Variants in DUSP14 observed in about 807,000 individuals in gnomAD.
DUSP14 encodes the protein dual specificity phosphatase 14.
In DUSP14, 5 loss-of-function variants were observed where a neutral mutation model predicts 13.2. The observed-to-expected ratio is 0.38, with a 90% CI of 0.20 to 0.80. DUSP14 has a LOEUF of 0.80. DUSP14 is among the 30% of genes least tolerant of loss of function. The pLI is 0.44. For missense variants in DUSP14, 185 were observed against 264.0 expected (o/e 0.70, Z 2.07); for synonymous variants, 91 against 103.4 (o/e 0.88, Z 0.73).
At chr17:37,501,554 C>T (rs1427492348) in intron 1 of DUSP14, among the ~76,000 whole-genome samples, 1 of 152,008 alleles carries the variant, frequency 6.6e-6, no homozygotes, top group Non-Finnish European at 1.5e-5. Context: ...AGTTTCTCAT[C>T]ACCCAGGCTG....
upstream of DUSP14, chr17:37,489,769 C>T (rs2054012605): frequency 6.7e-6 from 1 of 148,988 alleles, no homozygotes; most frequent in Non-Finnish European, 1.5e-5. Context: ...CCCGCGCGTC[C>T]CCCCGCCCCG....
At chr17:37,502,629 C>T (rs2143088434) in intron 1 of DUSP14, among the ~76,000 whole-genome samples, 1 of 152,114 alleles carries the variant, frequency 6.6e-6, no homozygotes, top group East Asian at 1.9e-4. Context: ...TGGCTGGGAG[C>T]TATAATCATA....
chr17:37,503,337 G>A (rs902260186), intron 1 of DUSP14, among the ~76,000 whole-genome samples: 1 of 152,138 alleles, frequency 6.6e-6, no homozygotes, highest in Non-Finnish European at 1.5e-5. Flanking sequence ...GAGGTGGGAG[G>A]ATCACTTGAA....
In DUSP14 at chr17:37,495,828, T is replaced by C. The variant is rs138005118; in HGVS notation, c.-181+5870T>C. 6.8e-3 allele frequency among the ~76,000 whole-genome samples: 1,027 copies of C among 152,094 alleles called. 14 individuals carry two copies. The highest frequency in any genetic ancestry group is 0.023 in the African/African-American group (966 of 41,492). Reference sequence around the variant, plus strand: ...GCGCATGCCACCACGCCCAGCTAATTTTTCTATTTTTAGTAGAGACAGGGT... The same window carrying C: ...GCGCATGCCACCACGCCCAGCTAATCTTTCTATTTTTAGTAGAGACAGGGT... On this transcript the variant is annotated intron_variant, in intron 1 of 2. Coordinates refer to ENST00000617516, the MANE Select transcript of DUSP14 (RefSeq NM_007026.4).
intron 1 of DUSP14, among the ~76,000 whole-genome samples, chr17:37,500,481 T>G (rs2054097758): frequency 6.6e-6 from 1 of 152,222 alleles, no homozygotes. Context: ...TGAAAAGACC[T>G]GCATTTTCTG....
At chr17:37,489,793 C>T (rs1018836996), upstream of DUSP14, 7 of 148,112 alleles carry the variant, frequency 4.7e-5, no homozygotes, top group East Asian at 2.0e-4. Context: ...CGCGTCCCCC[C>T]ACCTCGGGAG....
chr17:37,512,838 C>T lies in DUSP14; in HGVS notation c.566C>T (p.Ser189Phe). 1 of 1,607,350 alleles carries T rather than the reference C, an allele frequency of 6.2e-7. No individual in the cohort carries two copies. Among genetic ancestry groups the T allele is most frequent in the Non-Finnish European group, 8.5e-7 (1 of 1,174,832 alleles). The change falls in exon 3 of 3, where the codon TCC (serine) becomes TTC (phenylalanine). Residue 189 changes from serine (S) to phenylalanine (F), a missense_variant. Transcript: ENST00000617516. The surrounding 1 kb of genome is among the most constrained non-coding windows in gnomAD (Gnocchi z 4.8). ...GTTCCCGACGTCTATGAGAAGGAGT[C>T]CCGACACCTGATGCCTTACTGGGGG... ...GIVPDVYEKESRHLMPYWGI is the reference protein window; with the variant it reads ...GIVPDVYEKEFRHLMPYWGI
chr17:37,497,616 C>G (rs867061002), intron 1 of DUSP14, among the ~76,000 whole-genome samples: 1 of 149,758 alleles, frequency 6.7e-6, no homozygotes, highest in African/African-American at 2.5e-5. Context: ...ACAAATTAAC[C>G]GGATGTGGTG....
intron 1 of DUSP14, among the ~76,000 whole-genome samples, chr17:37,509,267 A>G (rs1178660410): frequency 0.29 from 21,004 of 72,998 alleles, 3,890 homozygotes; most frequent in African/African-American, 0.39. Context: ...ATATATATAT[A>G]TATATATATA....
intron 1 of DUSP14, among the ~76,000 whole-genome samples, chr17:37,492,817 C>G (rs1243067071): frequency 6.6e-6 from 1 of 152,188 alleles, no homozygotes; most frequent in African/African-American, 2.4e-5. Flanking sequence ...TCTCCCTCCC[C>G]CAGAGGTCCT....
At chr17:37,505,667 T>C (rs1387896661) in intron 1 of DUSP14, among the ~76,000 whole-genome samples, 1 of 140,722 alleles carries the variant, frequency 7.1e-6, no homozygotes, top group Non-Finnish European at 1.5e-5. Flanking sequence ...TAAAGAAAAG[T>C]AACCTCCGTG....
chr17:37,498,312 ATCTTTTTTTTTTTTT>A (rs1490540920), intron 1 of DUSP14, among the ~76,000 whole-genome samples: 3 of 103,250 alleles, frequency 2.9e-5, no homozygotes, highest in Non-Finnish European at 5.8e-5. Flanking sequence ...ACTAGATTGT[ATCTTTTTTTTTTTTT>A]TTTTTTTTTT....
chr17:37,510,727 A>T lies in DUSP14; in HGVS notation c.-130A>T, dbSNP rs1261956047. The T allele has an allele frequency of 6.6e-6, 1 of 152,138 alleles. No homozygotes were observed. The highest frequency in any genetic ancestry group is 1.5e-5 in the Non-Finnish European group (1 of 68,052). 9.4% of individuals were successfully genotyped at this position (152,138 alleles called of 1,614,324 possible). A position where few individuals can be genotyped will look rare whatever the true frequency, so the allele number is the denominator to read the frequency against. ...GCACTGCTCACTTAGGACTTTCTGG[A>T]TCCGGACCCAGGCAGCGCACACTGG... On this transcript the variant is annotated 5_prime_UTR_variant, in exon 2 of 3. Coordinates refer to ENST00000617516, the MANE Select transcript of DUSP14 (RefSeq NM_007026.4).
intron 1 of DUSP14, among the ~76,000 whole-genome samples, chr17:37,500,606 T>G (rs959607250): frequency 2.6e-5 from 4 of 152,246 alleles, no homozygotes; most frequent in Admixed American, 1.3e-4. Flanking sequence ...ACTTTGCCTC[T>G]AGATGTTCTG....
At chr17:37,505,658 A>T (rs1299794884) in intron 1 of DUSP14, among the ~76,000 whole-genome samples, 5 of 137,542 alleles carry the variant, frequency 3.6e-5, no homozygotes, top group Admixed American at 2.2e-4. Flanking sequence ...TTTTTTTTTT[A>T]AAGAAAAGTA....
chr17:37,512,892 AGCCCGAGCGG>A lies in DUSP14; in HGVS notation c.*25_*34del. On this transcript the variant is annotated 3_prime_UTR_variant, in exon 3 of 3. Transcript: ENST00000617516. This position sits in a 1 kb window ranked among gnomAD's most constrained non-coding sequence, Gnocchi z 4.8. ...TAGTGCCACTGAAGCCTGCGTCAGC[AGCCCGAGCGG>A]GGCCGGCATCTGCTCCCCGCCGTCT... 6.3e-7 allele frequency: 1 copy of A among 1,576,530 alleles called. No individual in the cohort carries two copies. Among genetic ancestry groups the A allele is most frequent in the Non-Finnish European group, 8.7e-7 (1 of 1,154,048 alleles).
intron 1 of DUSP14, among the ~76,000 whole-genome samples, chr17:37,495,779 C>T (rs1210775539): frequency 2.0e-5 from 3 of 151,976 alleles, no homozygotes; most frequent in Non-Finnish European, 4.4e-5. Flanking sequence ...CCTGCCTCAG[C>T]CTCCCGAGTA....
At chr17:37,489,507 C>G (rs1036336321), upstream of DUSP14, among the ~76,000 whole-genome samples, 6 of 152,184 alleles carry the variant, frequency 3.9e-5, no homozygotes, top group Non-Finnish European at 8.8e-5. Context: ...ATCGGATTTG[C>G]TTTCTCGCCT....
intron 1 of DUSP14, among the ~76,000 whole-genome samples, chr17:37,507,166 G>A (rs1207104955): frequency 2.0e-5 from 3 of 152,190 alleles, no homozygotes; most frequent in Admixed American, 1.3e-4. Context: ...TGTCAGAGAA[G>A]CATCTATAGC....
Sources: gnomAD v4.1 joint callset for allele counts (sites outside exome capture counted in the v4.1 genomes callset) on GRCh38, gnomAD v4.1.1 for gene constraint, Gnocchi (gnomAD v3.1) non-coding constraint, MANE v1.5 for transcripts, NCBI Gene and HGNC (gene_info 2026-07-23, HGNC 2026-07-21) for gene names.